MYO15A: variants seen among roughly 807,000 people sequenced by gnomAD.
The protein encoded by MYO15A is unconventional myosin-XV.
In MYO15A, 308 loss-of-function variants were observed where a neutral mutation model predicts 394.6. That is an observed-to-expected ratio of 0.78 (90% confidence interval 0.71 to 0.86). The LOEUF (loss-of-function observed/expected upper bound fraction) is 0.86, where lower values mean the gene tolerates loss of function less well. Among genes scored for constraint, MYO15A ranks in the 40% least tolerant of loss-of-function variants. The probability of loss-of-function intolerance (pLI) is 0.00; values close to 1 mark genes in which losing one functional copy is unlikely to be tolerated. For synonymous variants in MYO15A, 1,957 were observed against 2,003.8 expected, an observed-to-expected ratio of 0.98 and a Z score of 0.62; for missense variants, 4,606 against 4,799.1, an observed-to-expected ratio of 0.96 and a Z score of 1.19.
rs377573336 is a variant in MYO15A, at chr17:18,121,634, G to A, written c.2834G>A (p.Gly945Glu). 54 of 1,603,944 alleles carry A rather than the reference G, an allele frequency of 3.4e-5. 1 individual carries two copies. In the Middle Eastern group the frequency reaches 1.2e-3, roughly 35 times the overall value. ...CAACGCCCACCCTCCCCCTGGCCAG[G>A]AGGTGCAGGCAGCCGCCGAGGCTTT... is the stretch of plus-strand genomic sequence containing the variant. ...PTQRPPSPWP[G>E]GAGSRRGFSR... The change falls in exon 2 of 66, where the codon GGA becomes GAA. Residue 945 changes from glycine (G) to glutamate (E), a missense_variant. Physicochemically the swap from Gly to Glu is moderately conservative, Grantham distance 98 (BLOSUM62 -2). Around this residue, in one of 2 missense-constraint regions of MYO15A, gnomAD observed 1,830 missense variants for 1,689.7 expected, o/e 1.08. Transcript: ENST00000647165. The surrounding 1 kb of genome is among the most constrained non-coding windows in gnomAD (Gnocchi z 5.3).
At chr17:18,168,863 A>G (rs2046894531) in intron 62 of MYO15A, among the ~76,000 whole-genome samples, 1 of 151,844 alleles carries the variant, frequency 6.6e-6, no homozygotes, top group South Asian at 2.1e-4. Context: ...GTACTTTGGG[A>G]GGCCGAGATG....
At chr17:18,140,232 G>A (rs753288173) in intron 19 of MYO15A, among the ~76,000 whole-genome samples, 1 of 152,182 alleles carries the variant, frequency 6.6e-6, no homozygotes, top group Non-Finnish European at 1.5e-5. Context: ...TCACAACCAT[G>A]TATCTAACAG....
At position 18,121,375 on chromosome 17, in the gene MYO15A, C is replaced by T. The variant is rs1369300546; in HGVS notation, c.2575C>T (p.Arg859Cys). ...PPLGLCHSPR[R>C]SSLNLPSRLP... ...CCTGGGGCTCTGCCACAGCCCGCGGCGCAGCTCCCTGAATCTGCCCTCGCG... is the reference window on the plus strand; with the variant it reads ...CCTGGGGCTCTGCCACAGCCCGCGGTGCAGCTCCCTGAATCTGCCCTCGCG... Residue 859 changes from arginine to cysteine, a missense_variant, in exon 2 of 66, where the codon CGC becomes TGC. Around this residue, in one of 2 missense-constraint regions of MYO15A, gnomAD observed 1,830 missense variants for 1,689.7 expected, o/e 1.08. Transcript: ENST00000647165. The surrounding 1 kb of genome is among the most constrained non-coding windows in gnomAD (Gnocchi z 5.3). The T allele has an allele frequency of 5.9e-6, 9 of 1,519,910 alleles. No individual in the cohort carries two copies. In the South Asian group the frequency reaches 8.5e-5, roughly 14 times the overall value. The allele number at this position is 1,519,910 out of a possible 1,614,324, so 94.2% of individuals were successfully genotyped here.
At position 18,142,267 on chromosome 17, in the gene MYO15A, A is replaced by G. The variant is rs1240091803; in HGVS notation, c.5825+13A>G. 6.2e-7 allele frequency: 1 copy of G among 1,610,220 alleles called. No individual in the cohort carries two copies. ...GCTACCTTGCCAGGTGAGGCACAGA[A>G]AAGGCAGGATTCCTAGGAGACCTAT... On this transcript the variant is annotated intron_variant, in intron 24 of 65. Coordinates refer to ENST00000647165, the MANE Select transcript of MYO15A (RefSeq NM_016239.4).
intron 62 of MYO15A, among the ~76,000 whole-genome samples, chr17:18,168,071 T>C (rs780287477): frequency 4.6e-5 from 7 of 152,248 alleles, no homozygotes; most frequent in Non-Finnish European, 1.0e-4. Flanking sequence ...GCAATGCTGC[T>C]ACAAGAGCAA....
intron 10 of MYO15A, among the ~76,000 whole-genome samples, chr17:18,131,769 C>A (rs1167926301): frequency 1.3e-5 from 2 of 152,094 alleles, no homozygotes; most frequent in African/African-American, 4.8e-5. Flanking sequence ...ACCTTCTGTT[C>A]CTTCCCTCAG....
At chr17:18,160,688 G>A (rs542834961) in intron 56 of MYO15A, 9 of 203,232 alleles carry the variant, frequency 4.4e-5, no homozygotes, top group Middle Eastern at 2.1e-3. Context: ...GATCCAGAGC[G>A]GGGTGGGTGG....
rs1362950205 is a variant in MYO15A at position 18,151,273 on chromosome 17, AG to A, written c.7639del (p.Ala2547LeufsTer58). On this transcript the variant is annotated frameshift_variant, in exon 39 of 66. Transcript: ENST00000647165. LOFTEE classifies it high-confidence loss of function. ...PVAAPVLAQDQASPETTSPSP... is the reference protein window; with the variant it reads ...PVAAPVLAQDXASPETTSPSP... Reference sequence around the variant, plus strand: ...GCTGCCCCTGTTCTAGCTCAGGATCAGGCTTCTCCAGAAACCAGTGAGTGCC... The same window carrying A: ...GCTGCCCCTGTTCTAGCTCAGGATCAGCTTCTCCAGAAACCAGTGAGTGCC... 6.2e-7 allele frequency: 1 copy of A among 1,614,118 alleles called. No individual in the cohort carries two copies. Among genetic ancestry groups the A allele is most frequent in the Non-Finnish European group, 8.5e-7 (1 of 1,180,008 alleles).
chr17:18,168,359 A>G (rs1037147510), intron 62 of MYO15A, among the ~76,000 whole-genome samples: 3 of 151,852 alleles, frequency 2.0e-5, no homozygotes, highest in Non-Finnish European at 4.4e-5. Flanking sequence ...AGGTCAGGAG[A>G]TCGAGACCAT....
intron 19 of MYO15A, among the ~76,000 whole-genome samples, chr17:18,140,312 T>C (rs1420257755): frequency 6.6e-6 from 1 of 152,210 alleles, no homozygotes. Flanking sequence ...AAGCCAGTTA[T>C]GGGATGGATC....
At chr17:18,129,109 G>A (rs1001612062) in intron 7 of MYO15A, among the ~76,000 whole-genome samples, 7 of 152,130 alleles carry the variant, frequency 4.6e-5, no homozygotes, top group Non-Finnish European at 8.8e-5. Context: ...CAGCAAGCTG[G>A]CACCATAATG....
In MYO15A at chr17:18,157,064, G is replaced by A. The variant is rs1191954308; in HGVS notation, c.8712G>A (p.Val2904=). 6.2e-7 allele frequency: 1 copy of A among 1,614,022 alleles called. No homozygotes were observed. The highest frequency in any genetic ancestry group is 8.5e-7 in the Non-Finnish European group (1 of 1,180,010). Residue 2904 remains valine, a splice_region_variant and synonymous_variant, in exon 49 of 66, where the codon GTG becomes GTA. Transcript: ENST00000647165. The stretch of plus-strand genomic sequence containing the variant: ...TGCAGCCCCTAGAGCCACCTCGAGT[G>A]GGTCAGTGCCACTGGGGTGGGCTGG... The part of the protein sequence containing the change: ...IHLQPLEPPR[V]GYSAGCVVRR...
In MYO15A at chr17:18,140,952, AC is replaced by A. The variant is rs1288115351; in HGVS notation, c.5407-65del. The A allele has an allele frequency of 4.3e-6, 7 of 1,612,912 alleles. No individual in the cohort carries two copies. The Admixed American group carries it at 8.3e-5, about 19-fold the overall frequency. ...GCCCAGCCTAGCACTGGGAATATTC[AC>A]CATGATAATGCCTTTTGCACATGGC... is the stretch of plus-strand genomic sequence containing the variant. On this transcript the variant is annotated intron_variant, in intron 21 of 65. Transcript: ENST00000647165.
In MYO15A at chr17:18,157,172, C is replaced by T. The variant is rs776201118; in HGVS notation, c.8730C>T (p.Cys2910=). The change falls in exon 50 of 66, where the codon TGC becomes TGT. Residue 2910 remains cysteine (C), a synonymous_variant. Transcript: ENST00000647165. ...EPPRVGYSAG[C]VVRRKVVYLE... ...GGCCCATAGGCTACAGTGCTGGCTG[C>T]GTGGTTCGCAGGAAGGTGGTGTACC... 10 of 1,610,472 alleles carry T rather than the reference C, an allele frequency of 6.2e-6. No homozygotes were observed. The highest frequency in any genetic ancestry group is 1.7e-4 in the Middle Eastern group (1 of 6,056).
At position 18,149,091 on chromosome 17, in the gene MYO15A, A is replaced by G. The variant is rs957674894; in HGVS notation, c.6957-125A>G. The G allele has an allele frequency of 2.7e-6, 4 of 1,480,760 alleles. No homozygotes were observed. In the South Asian group the frequency reaches 3.7e-5, roughly 14 times the overall value. 91.7% of individuals were successfully genotyped at this position (1,480,760 alleles called of 1,614,324 possible). On this transcript the variant is annotated intron_variant, in intron 33 of 65. Coordinates refer to ENST00000647165, the MANE Select transcript of MYO15A (RefSeq NM_016239.4). ...TTAGACTTCAGGTTCTTAAGGAGGT[A>G]GAGTTCACCAAAGGATCCTGCTTTT...
chr17:18,130,656 C>T (rs1313245747), intron 7 of MYO15A, 149 bp from the exon 8 acceptor site: 3 of 1,345,358 alleles, frequency 2.2e-6, no homozygotes, highest in Non-Finnish European at 3.1e-6. Flanking sequence ...AAGCCTGGAC[C>T]CCTGGGGTCT....
chr17:18,171,861 T>G (rs2046946694), intron 63 of MYO15A, 90 bp downstream of exon 63: 3 of 1,515,556 alleles, frequency 2.0e-6, no homozygotes, highest in Non-Finnish European at 1.8e-6. Flanking sequence ...CCTCTTTCTT[T>G]GCACAAAGGC....
chr17:18,151,167 C>T lies in MYO15A; in HGVS notation c.7531C>T (p.Pro2511Ser). Residue 2511 changes from proline (P) to serine (S), a missense_variant, in exon 39 of 66, where the codon CCC (proline) becomes TCC (serine). This residue lies in a region of MYO15A where 2,776 missense variants were observed against 3,109.3 expected (regional missense o/e 0.89). Transcript: ENST00000647165. ...TGTAGGCACCGGTCCCCCTGCCAAA[C>T]CCGTGCTCCTGCGTGCCACTCCAAA... ...TSVGTGPPAKPVLLRATPKPL... is the reference protein window; with the variant it reads ...TSVGTGPPAKSVLLRATPKPL... The T allele has an allele frequency of 1.9e-6, 3 of 1,614,058 alleles. No individual in the cohort carries two copies. Among genetic ancestry groups the T allele is most frequent in the South Asian group, 2.2e-5 (2 of 91,082 alleles).
chr17:18,158,861 T>C, intron 52 of MYO15A, 64 bp from the exon 53 acceptor site: 1 of 1,579,354 alleles, frequency 6.3e-7, no homozygotes, highest in Non-Finnish European at 8.7e-7. Flanking sequence ...TTCTTTCCCA[T>C]GTGGAAAAGG....
Sources: gnomAD v4.1 joint callset for allele counts (sites outside exome capture counted in the v4.1 genomes callset) on GRCh38, gnomAD v4.1.1 for gene constraint, gnomAD v4.1.1 regional missense constraint, Gnocchi (gnomAD v3.1) non-coding constraint, MANE v1.5 for transcripts, NCBI Gene and HGNC (gene_info 2026-07-23, HGNC 2026-07-21) for gene names.